The following DUOX1 variants were observed in gnomAD, a reference collection of about 807,000 sequenced individuals.
DUOX1 encodes dual oxidase 1.
Under a neutral mutation model 181.8 loss-of-function variants are expected in DUOX1, and 134 were observed. The observed-to-expected ratio is 0.74, with a 90% CI of 0.64 to 0.85. The LOEUF is 0.85. Among genes scored for constraint, DUOX1 ranks in the 40% least tolerant of loss-of-function variants. The pLI is 0.00. For synonymous variants in DUOX1, 798 were observed against 832.5 expected (o/e 0.96, Z 0.71); for missense variants, 1,814 against 2,064.4 (o/e 0.88, Z 2.35).
At chr15:45,141,735 A>C (rs1350558400) in intron 14 of DUOX1, among the ~76,000 whole-genome samples, 1 of 147,124 alleles carries the variant, frequency 6.8e-6, no homozygotes, top group African/African-American at 2.5e-5. Context: ...TCCCAACCCT[A>C]CAGCAGTGAG....
intron 10 of DUOX1, 100 bp downstream of exon 10, chr15:45,138,114 G>GTGTGTGTGT: frequency 1.1e-6 from 1 of 879,044 alleles, no homozygotes; most frequent in Non-Finnish European, 1.6e-6. Flanking sequence ...GTGAGTGCAT[G>GTGTGTGTGT]GTGAAAGTGG....
intron 23 of DUOX1, 86 bp downstream of exon 23, chr15:45,151,334 C>CTAAA (rs1390763757): frequency 3.9e-6 from 6 of 1,533,322 alleles, no homozygotes; most frequent in Non-Finnish European, 5.3e-6. Flanking sequence ...AGGCACTGTG[C>CTAAA]TAAACATTGT....
At position 45,144,467 on chromosome 15, in the gene DUOX1, CCA is replaced by C. The variant is rs1896596743; in HGVS notation, c.2136+235_2136+236del. 2.0e-5 allele frequency among the ~76,000 whole-genome samples: 3 copies of C among 152,248 alleles called. No homozygotes were observed. In the South Asian group the frequency reaches 6.2e-4, roughly 32 times the overall value. ...CATGGTTTCCTCCTAACTCTTGCAA[CCA>C]CAGTCTGCCTCCTCCTTTTCTAAGG... On this transcript the variant is annotated intron_variant, in intron 17 of 33. Coordinates refer to ENST00000389037, the MANE Select transcript of DUOX1 (RefSeq NM_175940.3).
At position 45,161,784 on chromosome 15, in the gene DUOX1, G is replaced by C. The variant is rs1251282382; in HGVS notation, c.3903G>C (p.Lys1301Asn). 6.2e-7 allele frequency: 1 copy of C among 1,613,890 alleles called. No homozygotes were observed. The change falls in exon 30 of 34, where the codon AAG (lysine) becomes AAC (asparagine). Residue 1301 changes from lysine to asparagine, a missense_variant. This residue lies in a region of DUOX1 where 279 missense variants were observed against 381.9 expected (regional missense o/e 0.73). Transcript: ENST00000389037. ...RFQRPQGFEY[K>N]SGQWVRIACL... ...AGCGGCCCCAGGGCTTTGAGTACAA[G>C]TCAGGGCAGTGGGTGCGGATCGCTT...
chr15:45,162,435 C>A, intron 31 of DUOX1, 58 bp downstream of exon 31: 2 of 1,570,818 alleles, frequency 1.3e-6, no homozygotes, highest in East Asian at 4.5e-5. Context: ...GTCATGGTAC[C>A]CATCTGTGCC....
At chr15:45,159,141 T>A (rs1897036637) in intron 28 of DUOX1, among the ~76,000 whole-genome samples, 1 of 152,202 alleles carries the variant, frequency 6.6e-6, no homozygotes, top group Non-Finnish European at 1.5e-5. Context: ...GGGACAGGGC[T>A]GGCTGCAGAT....
chr15:45,134,000 G>A, intron 3 of DUOX1, 53 bp downstream of exon 3: 1 of 1,599,754 alleles, frequency 6.3e-7, no homozygotes. Context: ...GGTACTGAGT[G>A]CTGCGGGGCA....
intron 1 of DUOX1, among the ~76,000 whole-genome samples, chr15:45,131,162 C>T (rs1896128757): frequency 6.6e-6 from 1 of 152,194 alleles, no homozygotes; most frequent in Admixed American, 6.5e-5. Flanking sequence ...AGGTTGCCTT[C>T]AGGAGGTCTT....
chr15:45,137,993 C>T lies in DUOX1; in HGVS notation c.1092C>T (p.Cys364=). Residue 364 remains cysteine (C), a synonymous_variant, in exon 10 of 34, where the codon TGC becomes TGT. Transcript: ENST00000389037. The part of the protein sequence containing the change: ...NSSVSRALRV[C]NSYWSREHPS... ...GTGTCTCCAGAGCTCTCCGGGTCTG[C>T]AACAGCTACTGGAGCCGTGAGGTCC... 6.2e-7 allele frequency: 1 copy of T among 1,610,022 alleles called. No homozygotes were observed. Among genetic ancestry groups the T allele is most frequent in the Non-Finnish European group, 8.5e-7 (1 of 1,177,742 alleles).
intron 27 of DUOX1, 129 bp from the exon 28 acceptor site, chr15:45,155,673 C>T: frequency 1.5e-6 from 2 of 1,331,196 alleles, no homozygotes; most frequent in Admixed American, 1.8e-5. Flanking sequence ...GGGAGAGGAC[C>T]AGAGGAGAAT....
At chr15:45,153,185 C>T in intron 25 of DUOX1, 195 bp from the exon 26 acceptor site, 1 of 523,296 alleles carries the variant, frequency 1.9e-6, no homozygotes, top group Admixed American at 3.2e-5. Context: ...CGCACCACTG[C>T]CCTCCAGCCT....
At chr15:45,143,874 A>C (rs1334965839) in intron 16 of DUOX1, among the ~76,000 whole-genome samples, 162 bp from the exon 17 acceptor site, 5 of 152,372 alleles carry the variant, frequency 3.3e-5, no homozygotes, top group Admixed American at 1.3e-4. Context: ...ATGGGGCTAG[A>C]GGCACAGCCA....
chr15:45,141,428 G>A lies in DUOX1; in HGVS notation c.1684+18G>A, dbSNP rs2141265781. The A allele has an allele frequency of 2.5e-6, 4 of 1,613,630 alleles. No homozygotes were observed. In the South Asian group the frequency reaches 3.3e-5, roughly 13 times the overall value. On this transcript the variant is annotated intron_variant, in intron 14 of 33. Transcript: ENST00000389037. Reference sequence around the variant, plus strand: ...GCATAAAGGTGAGTGGCCAAGGGGTGGCTGGAGGAGTGGTGGGTCTGGAGC... The same window carrying A: ...GCATAAAGGTGAGTGGCCAAGGGGTAGCTGGAGGAGTGGTGGGTCTGGAGC...
In DUOX1 at chr15:45,153,600, G is replaced by A; in HGVS notation, c.3524+121G>A. Reference sequence around the variant, plus strand: ...AAAGAAATTATCTGGCTCCAGAGGAGACTGTCACCTTCTAGGTTACAGGAC... The same window carrying A: ...AAAGAAATTATCTGGCTCCAGAGGAAACTGTCACCTTCTAGGTTACAGGAC... On this transcript the variant is annotated intron_variant, in intron 26 of 33. Transcript: ENST00000389037. The A allele has an allele frequency of 2.8e-6, 3 of 1,066,532 alleles. No homozygotes were observed. The South Asian group carries it at 3.8e-5, about 13-fold the overall frequency. The allele number at this position is 1,066,532 out of a possible 1,614,324, so 66.1% of individuals were successfully genotyped here.
chr15:45,155,725 G>C (rs1365914141), intron 27 of DUOX1, 77 bp from the exon 28 acceptor site: 13 of 1,600,192 alleles, frequency 8.1e-6, no homozygotes, highest in Non-Finnish European at 1.0e-5. Flanking sequence ...GGAGTGGAGA[G>C]GGGACCTTGG....
In DUOX1 at chr15:45,133,928, G is replaced by A; in HGVS notation, c.123G>A (p.Glu41=). The part of the protein sequence containing the change: ...RFDGWYNNLM[E]HRWGSKGSRL... ...ATGGGTGGTACAACAACCTCATGGA[G>A]CACAGATGGGGCAGCAAAGGTAAGT... The change falls in exon 3 of 34, where the codon GAG becomes GAA. Residue 41 remains glutamate, a synonymous_variant. Coordinates refer to ENST00000389037, the MANE Select transcript of DUOX1 (RefSeq NM_175940.3). 6.2e-7 allele frequency: 1 copy of A among 1,614,008 alleles called. No individual in the cohort carries two copies. The highest frequency in any genetic ancestry group is 2.2e-5 in the East Asian group (1 of 44,874).
At position 45,134,290 on chromosome 15, in the gene DUOX1, A is replaced by C. The variant is rs1417509849; in HGVS notation, c.288A>C (p.Thr96=). The change falls in exon 4 of 34, where the codon ACA becomes ACC. Residue 96 remains threonine, a synonymous_variant. Coordinates refer to ENST00000389037, the MANE Select transcript of DUOX1 (RefSeq NM_175940.3). The stretch of plus-strand genomic sequence containing the variant: ...GGCTGGCCTCCCTGAGAAACCGCAC[A>C]GTGTTGGGGGTCTTCTTTGGTGAGA... ...PAGLASLRNR[T]VLGVFFGYHV... 3 of 1,603,788 alleles carry C rather than the reference A, an allele frequency of 1.9e-6. No individual in the cohort carries two copies. Among genetic ancestry groups the C allele is most frequent in the South Asian group, 2.2e-5 (2 of 89,990 alleles).
At chr15:45,148,557 A>G in intron 21 of DUOX1, 110 bp downstream of exon 21, 1 of 1,272,096 alleles carries the variant, frequency 7.9e-7, no homozygotes, top group Non-Finnish European at 1.1e-6. Flanking sequence ...TAAAATCAGA[A>G]GAAAAAAATG....
At position 45,138,861 on chromosome 15, in the gene DUOX1, C is replaced by T. The variant is rs1819750291; in HGVS notation, c.1114-205C>T. On this transcript the variant is annotated intron_variant, in intron 10 of 33. Coordinates refer to ENST00000389037, the MANE Select transcript of DUOX1 (RefSeq NM_175940.3). ...TAAGATCCCTTGTGCTTGTATAGAC[C>T]TCTGTCAGGCAGCACTGACAGAGGG... is the stretch of plus-strand genomic sequence containing the variant. 1.4e-5 allele frequency: 8 copies of T among 582,668 alleles called. No individual in the cohort carries two copies. In the South Asian group the frequency reaches 1.7e-4, roughly 12 times the overall value. 36.1% of individuals were successfully genotyped at this position (582,668 alleles called of 1,614,324 possible). A position where few individuals can be genotyped will look rare whatever the true frequency, so the allele number is the denominator to read the frequency against.
Sources: gnomAD v4.1 joint callset for allele counts (sites outside exome capture counted in the v4.1 genomes callset) on GRCh38, gnomAD v4.1.1 for gene constraint, gnomAD v4.1.1 regional missense constraint, MANE v1.5 for transcripts, NCBI Gene and HGNC (gene_info 2026-07-23, HGNC 2026-07-21) for gene names.